The following PRRX2 variants were observed in gnomAD, a reference collection of about 807,000 sequenced individuals.
The protein encoded by PRRX2 is paired related homeobox 2.
A neutral mutation model predicts 18.0 loss-of-function variants in PRRX2; 11 were observed. The observed-to-expected ratio is 0.61, with a 90% confidence interval of 0.39 to 1.01. The LOEUF is 1.01. Among genes scored for constraint, PRRX2 ranks in the 50% least tolerant of loss-of-function variants. The pLI is 0.01. For missense variants in PRRX2, 387 were observed against 351.0 expected, an observed-to-expected ratio of 1.10 and a Z score of -0.82; for synonymous variants, 177 against 154.8, an observed-to-expected ratio of 1.14 and a Z score of -1.06.
chr9:129,691,837 C>A (rs1258947687), intron 1 of PRRX2, among the ~76,000 whole-genome samples: 1 of 152,002 alleles, frequency 6.6e-6, no homozygotes, highest in Non-Finnish European at 1.5e-5. Context: ...CACCACCATG[C>A]TCAGCTAATT....
Position 129,722,385 on chromosome 9 carries a change from TG to T in PRRX2, c.*36del. 6.2e-7 allele frequency: 1 copy of T among 1,609,878 alleles called. No homozygotes were observed. The highest frequency in any genetic ancestry group is 8.5e-7 in the Non-Finnish European group (1 of 1,178,066). ...TCCCACCAGGACCCAGACGCCTCCC[TG>T]GGTGGACAGCAATAGAAAAGGGGGC... On this transcript the variant is annotated 3_prime_UTR_variant, in exon 4 of 4. Coordinates refer to ENST00000372469, the MANE Select transcript of PRRX2 (RefSeq NM_016307.4).
intron 1 of PRRX2, among the ~76,000 whole-genome samples, chr9:129,668,778 CAAAAAAA>C (rs562855941): frequency 1.9e-4 from 11 of 58,662 alleles, no homozygotes; most frequent in African/African-American, 2.3e-4. Context: ...GACTCCATCT[CAAAAAAA>C]AAAAAAAAAA....
chr9:129,716,325 A>C (rs914670279), intron 1 of PRRX2, among the ~76,000 whole-genome samples: 11 of 152,190 alleles, frequency 7.2e-5, no homozygotes, highest in African/African-American at 2.7e-4. Flanking sequence ...AACACAGCAG[A>C]GTCACATGGT....
intron 1 of PRRX2, among the ~76,000 whole-genome samples, chr9:129,706,857 C>G (rs915351596): frequency 1.3e-5 from 2 of 152,180 alleles, no homozygotes; most frequent in African/African-American, 4.8e-5. Flanking sequence ...CACTTTTTAG[C>G]TGTCACTCTC....
Position 129,695,009 on chromosome 9 carries a change from C to T in PRRX2, c.260-24222C>T, listed in dbSNP as rs191854468. 2.6e-5 allele frequency among the ~76,000 whole-genome samples: 4 copies of T among 152,210 alleles called. No homozygotes were observed. The highest frequency in any genetic ancestry group is 4.8e-5 in the African/African-American group (2 of 41,540). ...GGCTCACCATGGAGGAGGAATGGGGCGAGCTGCAGGCTGGCTCAGAGGGGT... is the reference window on the plus strand; with the variant it reads ...GGCTCACCATGGAGGAGGAATGGGGTGAGCTGCAGGCTGGCTCAGAGGGGT... On this transcript the variant is annotated intron_variant, in intron 1 of 3. Coordinates refer to ENST00000372469, the MANE Select transcript of PRRX2 (RefSeq NM_016307.4). The surrounding 1 kb of genome is among the most constrained non-coding windows in gnomAD (Gnocchi z 4.8).
chr9:129,697,707 T>G (rs1832444545), intron 1 of PRRX2, among the ~76,000 whole-genome samples: 1 of 151,180 alleles, frequency 6.6e-6, no homozygotes, highest in Admixed American at 6.6e-5. Context: ...ACGAGACGGG[T>G]GGGGTCCGCC....
chr9:129,679,032 G>A (rs1832195954), intron 1 of PRRX2, among the ~76,000 whole-genome samples: 2 of 152,324 alleles, frequency 1.3e-5, no homozygotes, highest in South Asian at 4.2e-4. Flanking sequence ...GCCAGAGGTG[G>A]GGCAGGTGGC....
intron 1 of PRRX2, among the ~76,000 whole-genome samples, chr9:129,681,505 G>A (rs538576313): frequency 3.9e-5 from 6 of 152,136 alleles, no homozygotes; most frequent in Non-Finnish European, 8.8e-5. Flanking sequence ...GGGCGACAGA[G>A]CAAGACTCCA....
intron 1 of PRRX2, among the ~76,000 whole-genome samples, chr9:129,704,721 C>CTTTAGA (rs1832537233): frequency 6.6e-6 from 1 of 152,138 alleles, no homozygotes; most frequent in Non-Finnish European, 1.5e-5. Context: ...CTCTAAAGTC[C>CTTTAGA]CTTCAGACCC....
chr9:129,683,708 A>G (rs570614421), intron 1 of PRRX2, among the ~76,000 whole-genome samples: 1 of 152,014 alleles, frequency 6.6e-6, no homozygotes, highest in African/African-American at 2.4e-5. Context: ...GCACTCCAGC[A>G]TGGGCGACAG....
intron 1 of PRRX2, among the ~76,000 whole-genome samples, chr9:129,688,061 A>G (rs538249328): frequency 1.3e-5 from 2 of 151,720 alleles, no homozygotes; most frequent in African/African-American, 4.8e-5. Flanking sequence ...ACGCCTGGCT[A>G]ACTTTTATAT....
chr9:129,678,403 C>T (rs1239773864), intron 1 of PRRX2, among the ~76,000 whole-genome samples: 2 of 152,148 alleles, frequency 1.3e-5, no homozygotes, highest in African/African-American at 4.8e-5. Flanking sequence ...CACAGGGGCC[C>T]CTGCAGGAAT....
intron 3 of PRRX2, among the ~76,000 whole-genome samples, chr9:129,721,989 G>T (rs1043185428): frequency 5.3e-5 from 8 of 152,146 alleles, no homozygotes; most frequent in Admixed American, 3.9e-4. Context: ...AGGCCCTGCT[G>T]TCAGGAAGCT....
intron 1 of PRRX2, among the ~76,000 whole-genome samples, chr9:129,692,466 G>T (rs1162292100): frequency 6.6e-6 from 1 of 151,982 alleles, no homozygotes; most frequent in Non-Finnish European, 1.5e-5. Flanking sequence ...CATTCTGTGG[G>T]GTTAGAGAAA....
In PRRX2 at chr9:129,709,765, C is replaced by T. The variant is rs1161529201; in HGVS notation, c.260-9466C>T. 6.6e-6 allele frequency among the ~76,000 whole-genome samples: 1 copy of T among 151,406 alleles called. No individual in the cohort carries two copies. The highest frequency in any genetic ancestry group is 2.4e-5 in the African/African-American group (1 of 41,260). ...TGGCAGGGCAGTGGCTGGTGGTGGC[C>T]GGCCTCCCCCAGCCTCTTCCTCACT... On this transcript the variant is annotated intron_variant, in intron 1 of 3. Coordinates refer to ENST00000372469, the MANE Select transcript of PRRX2 (RefSeq NM_016307.4). The surrounding 1 kb of genome is among the most constrained non-coding windows in gnomAD (Gnocchi z 4.2).
Position 129,673,652 on chromosome 9 carries a change from C to CCACACACACACACACACACACA in PRRX2, c.259+7531_259+7552dup, listed in dbSNP as rs3054761. Among the ~76,000 whole-genome samples the CCACACACACACACACACACACA allele has an allele frequency of 2.4e-3, 362 of 149,324 alleles. 2 individuals are homozygous for CCACACACACACACACACACACA. The highest frequency in any genetic ancestry group is 0.014 in the Middle Eastern group (4 of 286). ...CACACACAGACCCATACCCCCCATG[C>CCACACACACACACACACACACA]CACACACACACACACACACACACAC... is the stretch of plus-strand genomic sequence containing the variant. On this transcript the variant is annotated intron_variant, in intron 1 of 3. Transcript: ENST00000372469.
intron 1 of PRRX2, among the ~76,000 whole-genome samples, chr9:129,689,374 T>A (rs181726862): frequency 6.6e-6 from 1 of 152,324 alleles, no homozygotes; most frequent in Admixed American, 6.5e-5. Flanking sequence ...GGCATTTGGC[T>A]TAGTGCTCCG....
chr9:129,670,491 C>T (rs1832086083), intron 1 of PRRX2, among the ~76,000 whole-genome samples: 1 of 152,142 alleles, frequency 6.6e-6, no homozygotes, highest in African/African-American at 2.4e-5. Flanking sequence ...TCTCCTGCCT[C>T]AGCCTCCCGA....
At chr9:129,670,500 G>A (rs952686451) in intron 1 of PRRX2, among the ~76,000 whole-genome samples, 3 of 151,920 alleles carry the variant, frequency 2.0e-5, no homozygotes, top group Admixed American at 2.0e-4. Context: ...TCAGCCTCCC[G>A]AGTAGCTAGG....
Sources: gnomAD v4.1 joint callset for allele counts (sites outside exome capture counted in the v4.1 genomes callset) on GRCh38, gnomAD v4.1.1 for gene constraint, Gnocchi (gnomAD v3.1) non-coding constraint, MANE v1.5 for transcripts, NCBI Gene and HGNC (gene_info 2026-07-23, HGNC 2026-07-21) for gene names.